The following TPO variants were observed in gnomAD, a reference collection of about 807,000 sequenced individuals.
TPO encodes the protein thyroid microsomal antigen.
Under a neutral mutation model 96.9 loss-of-function variants are expected in TPO, and 78 were observed. The ratio of observed to expected loss-of-function variants is 0.81; its 90% CI spans 0.67 to 0.97. TPO has a LOEUF of 0.97. Ranked by LOEUF, TPO falls within the 50% of genes least tolerant of loss-of-function variation. The pLI, the probability that TPO is intolerant of heterozygous loss-of-function variation, is 0.00. For synonymous variants in TPO, 547 were observed against 538.0 expected (o/e 1.02, Z -0.23); for missense variants, 1,252 against 1,274.8 (o/e 0.98, Z 0.27).
chr2:1,511,096 T>C (rs1674059640), intron 14 of TPO, among the ~76,000 whole-genome samples: 1 of 152,236 alleles, frequency 6.6e-6, no homozygotes, highest in Non-Finnish European at 1.5e-5. Flanking sequence ...TAGAGGGAGC[T>C]CTGCTTTTGC....
intron 3 of TPO, among the ~76,000 whole-genome samples, chr2:1,429,212 C>G (rs1401870009): frequency 6.6e-6 from 1 of 151,152 alleles, no homozygotes; most frequent in African/African-American, 2.4e-5. Flanking sequence ...CTCCCCCACT[C>G]TACTCTCCTG....
At chr2:1,476,947 G>C in intron 7 of TPO, 139 bp from the exon 8 acceptor site, 1 of 1,132,782 alleles carries the variant, frequency 8.8e-7, no homozygotes, top group Non-Finnish European at 1.2e-6. Flanking sequence ...GAGGGGACTG[G>C]CTGGACTGAC....
intron 3 of TPO, among the ~76,000 whole-genome samples, chr2:1,427,419 C>A (rs1353872815): frequency 6.6e-6 from 1 of 152,230 alleles, no homozygotes; most frequent in Non-Finnish European, 1.5e-5. Context: ...GGGAGGCAGG[C>A]ATTGTGTCTG....
intron 7 of TPO, among the ~76,000 whole-genome samples, chr2:1,471,142 A>G (rs1669365435): frequency 6.6e-6 from 1 of 152,136 alleles, no homozygotes; most frequent in Admixed American, 6.5e-5. Context: ...TATGCTCAGG[A>G]TTACCTTGTC....
At position 1,519,423 on chromosome 2, in the gene TPO, G is replaced by A. The variant is rs560930193; in HGVS notation, c.2618+2441G>A. 8.5e-5 allele frequency among the ~76,000 whole-genome samples: 13 copies of A among 152,246 alleles called. No individual in the cohort carries two copies. In the East Asian group the frequency reaches 2.3e-3, roughly 27 times the overall value. ...TTATATTCCACATGCCAGGGCTGTTGTTTCAAATAATCATTACCAGTGAAG... is the reference window on the plus strand; with the variant it reads ...TTATATTCCACATGCCAGGGCTGTTATTTCAAATAATCATTACCAGTGAAG... On this transcript the variant is annotated intron_variant, in intron 15 of 16. Coordinates refer to ENST00000329066, the MANE Select transcript of TPO (RefSeq NM_001206744.2).
chr2:1,514,744 G>A (rs1674509366), intron 14 of TPO, among the ~76,000 whole-genome samples: 1 of 152,202 alleles, frequency 6.6e-6, no homozygotes, highest in African/African-American at 2.4e-5. Flanking sequence ...GGATTTACTG[G>A]CTCTTGAAAT....
intron 11 of TPO, among the ~76,000 whole-genome samples, chr2:1,494,552 A>G (rs1672139157): frequency 6.6e-6 from 1 of 152,110 alleles, no homozygotes. Context: ...TGCCTCATGC[A>G]TGTCTGCTCC....
chr2:1,523,434 C>A (rs1352144510), intron 15 of TPO, among the ~76,000 whole-genome samples: 32 of 147,842 alleles, frequency 2.2e-4, no homozygotes, highest in Non-Finnish European at 3.0e-4. Context: ...TGCAACCTCC[C>A]CAAATTACCC....
chr2:1,413,399 C>G (rs1662559857), upstream of TPO: 1 of 152,130 alleles, frequency 6.6e-6, no homozygotes, highest in East Asian at 1.9e-4. Flanking sequence ...ACTCGACTTC[C>G]TAGCATCTTG....
chr2:1,495,852 T>G (rs1378385857), intron 11 of TPO, 137 bp from the exon 12 acceptor site: 2 of 951,530 alleles, frequency 2.1e-6, no homozygotes, highest in Non-Finnish European at 3.2e-6. Flanking sequence ...TGCACCTGTG[T>G]GGCCCCGGGT....
chr2:1,408,092 A>T (rs1662273384), intron 1 of TPO, among the ~76,000 whole-genome samples: 1 of 152,212 alleles, frequency 6.6e-6, no homozygotes, highest in African/African-American at 2.4e-5. Context: ...GGGCCTTCTG[A>T]CGCCAGAGTT....
chr2:1,500,867 G>A (rs1184201511), intron 13 of TPO, among the ~76,000 whole-genome samples: 1 of 151,834 alleles, frequency 6.6e-6, no homozygotes, highest in African/African-American at 2.4e-5. Context: ...AGCTACCCAG[G>A]AGGCTGAGGC....
At chr2:1,462,723 A>G (rs1668562079) in intron 7 of TPO, among the ~76,000 whole-genome samples, 1 of 152,230 alleles carries the variant, frequency 6.6e-6, no homozygotes, top group Admixed American at 6.5e-5. Flanking sequence ...TAAGGTATGA[A>G]ATGAAATCAG....
intron 15 of TPO, among the ~76,000 whole-genome samples, chr2:1,527,358 C>T (rs1294986601): frequency 7.0e-6 from 1 of 143,344 alleles, no homozygotes; most frequent in African/African-American, 2.7e-5. Flanking sequence ...GAGCAACCTC[C>T]CCAAATCCCC....
At position 1,496,210 on chromosome 2, in the gene TPO, C is replaced by A. The variant is rs747905267; in HGVS notation, c.2215+13C>A. 6.2e-7 allele frequency: 1 copy of A among 1,612,840 alleles called. No individual in the cohort carries two copies. Among genetic ancestry groups the A allele is most frequent in the South Asian group, 1.1e-5 (1 of 90,652 alleles). ...ACCTTTCCTCAAGGTGAAGTTCGGT[C>A]TCCTCTCACACCACGTTACAGCACG... On this transcript the variant is annotated intron_variant, in intron 12 of 16. Transcript: ENST00000329066.
intron 1 of TPO, among the ~76,000 whole-genome samples, chr2:1,382,119 G>A (rs182812866): frequency 2.0e-5 from 3 of 152,174 alleles, no homozygotes; most frequent in East Asian, 1.9e-4. Context: ...GCATCTCCAC[G>A]ACTGCACAGC....
At chr2:1,505,316 T>C (rs1673301308) in intron 14 of TPO, among the ~76,000 whole-genome samples, 1 of 142,412 alleles carries the variant, frequency 7.0e-6, no homozygotes, top group Non-Finnish European at 1.5e-5. Flanking sequence ...CATCCCACTC[T>C]CCTGAGTCAG....
chr2:1,418,824 GTTTTAAAAGGAAAGTTGGC>G (rs1663213076), intron 2 of TPO, among the ~76,000 whole-genome samples: 1 of 152,242 alleles, frequency 6.6e-6, no homozygotes, highest in South Asian at 2.1e-4. Context: ...GAGTGAATTT[GTTTTAAAAGGAAAGTTGGC>G]AAACCTTATT....
At position 1,483,320 on chromosome 2, in the gene TPO, G is replaced by C. The variant is rs114697840; in HGVS notation, c.1339-1276G>C. 9.0e-3 allele frequency among the ~76,000 whole-genome samples: 1,365 copies of C among 152,316 alleles called. 31 individuals carry two copies. The highest frequency in any genetic ancestry group is 0.031 in the African/African-American group (1,277 of 41,568). On this transcript the variant is annotated intron_variant, in intron 8 of 16. Transcript: ENST00000329066. ...CCCTGGCTCACAAGTCAAACTTCAG[G>C]CAGGCAAGAAGGGGAAGAGGTGTCT... is the stretch of plus-strand genomic sequence containing the variant.
Sources: allele counts gnomAD v4.1 joint callset (sites outside exome capture counted in the v4.1 genomes callset), GRCh38; gene constraint gnomAD v4.1.1; transcripts MANE v1.5; gene names NCBI Gene and HGNC (gene_info 2026-07-23, HGNC 2026-07-21).